The following DOCK10 variants were observed in gnomAD, a reference collection of about 807,000 sequenced individuals.
DOCK10 encodes the protein dedicator of cytokinesis protein 10.
Under a neutral mutation model 280.1 loss-of-function variants are expected in DOCK10, and 145 were observed. The ratio of observed to expected loss-of-function variants is 0.52; its 90% CI spans 0.45 to 0.59. The LOEUF (loss-of-function observed/expected upper bound fraction) is 0.59. DOCK10 is among the 20% of genes least tolerant of loss of function. DOCK10 has a pLI of 0.00. For synonymous variants in DOCK10, 915 were observed against 942.2 expected (o/e 0.97, Z 0.53); for missense variants, 2,368 against 2,651.7 (o/e 0.89, Z 2.35).
At position 224,964,282 on chromosome 2, in the gene DOCK10, G is replaced by T. The variant is rs570538905; in HGVS notation, c.124-32614C>A. On this transcript the variant is annotated intron_variant, in intron 1 of 55. Coordinates refer to ENST00000258390, the MANE Select transcript of DOCK10 (RefSeq NM_014689.3). ...ATGATTGGTTAAACTTTAATGTGTT[G>T]TTCATTTTCTAAATGCAAACGATTC... Among the ~76,000 whole-genome samples, 8 of 152,218 alleles carry T rather than the reference G, an allele frequency of 5.3e-5. No individual in the cohort carries two copies. The South Asian group carries it at 1.7e-3, about 32-fold the overall frequency.
chr2:224,856,564 G>A (rs552324074), intron 15 of DOCK10, among the ~76,000 whole-genome samples: 165 of 152,300 alleles, frequency 1.1e-3, no homozygotes, highest in Non-Finnish European at 2.0e-3. Flanking sequence ...TGCTCAAATT[G>A]TGGACTCAGG....
At chr2:224,792,697 A>T (rs1352673713) in intron 47 of DOCK10, among the ~76,000 whole-genome samples, 6 of 152,266 alleles carry the variant, frequency 3.9e-5, no homozygotes, top group African/African-American at 1.4e-4. Context: ...GCAGACTGGC[A>T]TGCAGATTGG....
intron 1 of DOCK10, among the ~76,000 whole-genome samples, chr2:225,033,040 C>T (rs972805241): frequency 6.6e-6 from 1 of 152,126 alleles, no homozygotes; most frequent in Non-Finnish European, 1.5e-5. Flanking sequence ...TTAAACTCTG[C>T]CATTTTGGTA....
At chr2:224,832,022 C>A (rs16866205) in intron 26 of DOCK10, among the ~76,000 whole-genome samples, 22,976 of 152,024 alleles carry the variant, frequency 0.15, 2,355 homozygotes, top group African/African-American at 0.29. Flanking sequence ...GGATGGGCAC[C>A]CTTCTTTCTT....
chr2:224,834,386 A>G (rs1695463444), intron 25 of DOCK10, 123 bp from the exon 26 acceptor site: 2 of 662,730 alleles, frequency 3.0e-6, no homozygotes, highest in Non-Finnish European at 5.4e-6. Context: ...GCCATGAGAT[A>G]AATGCAGGCC....
At chr2:224,926,440 C>T (rs927314917) in intron 2 of DOCK10, among the ~76,000 whole-genome samples, 72 of 152,164 alleles carry the variant, frequency 4.7e-4, no homozygotes, top group African/African-American at 1.6e-3. Flanking sequence ...GTGGCTCACG[C>T]CTGTAATCCC....
chr2:224,795,148 T>A (rs1692477758), intron 44 of DOCK10, 54 bp from the exon 45 acceptor site: 1 of 1,505,308 alleles, frequency 6.6e-7, no homozygotes, highest in Non-Finnish European at 9.2e-7. Context: ...ATAGGTTAAC[T>A]GACTTTAAGT....
rs150618936 is a variant in DOCK10 at position 224,888,545 on chromosome 2, A to G, written c.417-2014T>C. 7.3e-5 allele frequency among the ~76,000 whole-genome samples: 11 copies of G among 151,684 alleles called. No homozygotes were observed. The East Asian group carries it at 2.1e-3, about 29-fold the overall frequency. ...GTCAATGGACACTTAGGAGGTTTCA[A>G]TGTATATGTGTGTTTGTCTGTGTGT... On this transcript the variant is annotated intron_variant, in intron 4 of 55. Transcript: ENST00000258390.
At chr2:224,818,931 A>G (rs1390074464) in intron 29 of DOCK10, among the ~76,000 whole-genome samples, 2 of 152,144 alleles carry the variant, frequency 1.3e-5, no homozygotes, top group Admixed American at 6.5e-5. Context: ...AGAGTGCAAA[A>G]CAATCACCTA....
At chr2:225,023,411 C>A (rs1182993771) in intron 1 of DOCK10, among the ~76,000 whole-genome samples, 1 of 151,958 alleles carries the variant, frequency 6.6e-6, no homozygotes, top group Non-Finnish European at 1.5e-5. Context: ...CAAGTATACA[C>A]AAAATTGTCA....
chr2:224,982,491 C>A, intron 1 of DOCK10: 1 of 1,227,170 alleles, frequency 8.1e-7, no homozygotes, highest in Non-Finnish European at 1.0e-6. Context: ...CAATCACTTC[C>A]TTGAGCTCTG....
rs908819941 is a variant in DOCK10, at chr2:224,807,649, A to C, written c.3702+19T>G. 3 of 1,412,230 alleles carry C rather than the reference A, an allele frequency of 2.1e-6. No individual in the cohort carries two copies. The African/African-American group carries it at 4.4e-5, about 21-fold the overall frequency. The allele number at this position is 1,412,230 out of a possible 1,614,324, so 87.5% of individuals were successfully genotyped here. A position where few individuals can be genotyped will look rare whatever the true frequency, so the allele number is the denominator to read the frequency against. On this transcript the variant is annotated intron_variant, in intron 33 of 55. Coordinates refer to ENST00000258390, the MANE Select transcript of DOCK10 (RefSeq NM_014689.3). Reference sequence around the variant, plus strand: ...AATTCTTTATTAACATAGAAATGTGACATATTGTGCAAACGTACCTGATTA... The same window carrying C: ...AATTCTTTATTAACATAGAAATGTGCCATATTGTGCAAACGTACCTGATTA...
chr2:224,784,809 C>A lies in DOCK10; in HGVS notation c.5655+2213G>T, dbSNP rs916934708. 13 of 1,263,312 alleles carry A rather than the reference C, an allele frequency of 1.0e-5. No homozygotes were observed. In the Admixed American group the frequency reaches 2.5e-4, roughly 25 times the overall value. The allele number at this position is 1,263,312 out of a possible 1,614,324, so 78.3% of individuals were successfully genotyped here. On this transcript the variant is annotated intron_variant, in intron 50 of 55. Transcript: ENST00000258390. The stretch of plus-strand genomic sequence containing the variant: ...GCATTAAAAACTATTTGAAAAGCAG[C>A]GTGATTCACTTCTACCTGCTTTAGA...
At chr2:224,816,214 T>C (rs2125293759) in intron 30 of DOCK10, among the ~76,000 whole-genome samples, 1 of 148,658 alleles carries the variant, frequency 6.7e-6, no homozygotes, top group East Asian at 1.9e-4. Flanking sequence ...TACATATATA[T>C]TTATATATAT....
intron 16 of DOCK10, among the ~76,000 whole-genome samples, chr2:224,854,177 A>G (rs1696948757): frequency 6.6e-6 from 1 of 152,106 alleles, no homozygotes; most frequent in African/African-American, 2.4e-5. Context: ...TCCCATGGCA[A>G]TAGTCCTTTC....
intron 3 of DOCK10, among the ~76,000 whole-genome samples, chr2:224,907,514 T>A (rs1416369876): frequency 3.3e-5 from 5 of 152,158 alleles, no homozygotes; most frequent in African/African-American, 1.2e-4. Context: ...GGTGAAACCC[T>A]GTCTCTACTA....
chr2:224,779,833 T>C (rs1427751271), intron 50 of DOCK10, among the ~76,000 whole-genome samples: 3 of 152,102 alleles, frequency 2.0e-5, no homozygotes, highest in Non-Finnish European at 4.4e-5. Context: ...ATGAACAAGG[T>C]CTACTCCATA....
chr2:225,033,128 A>T (rs927065279), intron 1 of DOCK10, among the ~76,000 whole-genome samples: 2 of 152,174 alleles, frequency 1.3e-5, no homozygotes, highest in African/African-American at 2.4e-5. Context: ...TTGAATTAGA[A>T]ATACAGTATT....
intron 55 of DOCK10, among the ~76,000 whole-genome samples, chr2:224,769,383 G>C (rs780970598): frequency 2.0e-5 from 3 of 152,194 alleles, no homozygotes; most frequent in Non-Finnish European, 4.4e-5. Context: ...GCCATTTAAG[G>C]AAAACAAAGG....
Sources: gnomAD v4.1 joint callset for allele counts (sites outside exome capture counted in the v4.1 genomes callset) on GRCh38, gnomAD v4.1.1 for gene constraint, MANE v1.5 for transcripts, NCBI Gene and HGNC (gene_info 2026-07-23, HGNC 2026-07-21) for gene names.